MPC1: variants seen among roughly 807,000 people sequenced by gnomAD.
The protein encoded by MPC1 is HSPC040 protein.
MPC1 carries 6 observed loss-of-function variants against 13.9 expected under a neutral mutation model. That is an observed-to-expected ratio of 0.43 (90% CI 0.24 to 0.85). MPC1 has a LOEUF of 0.85. MPC1 is among the 40% of genes least tolerant of loss of function. The probability of loss-of-function intolerance (pLI) is 0.24; values close to 1 mark genes in which losing one functional copy is unlikely to be tolerated. For synonymous variants in MPC1, 47 were observed against 50.5 expected, an observed-to-expected ratio of 0.93 and a Z score of 0.29; for missense variants, 115 against 143.3, an observed-to-expected ratio of 0.80 and a Z score of 1.01.
At chr6:166,379,190 T>A (rs1490578666) in intron 1 of MPC1, among the ~76,000 whole-genome samples, 2 of 152,100 alleles carry the variant, frequency 1.3e-5, no homozygotes, top group East Asian at 3.8e-4. Flanking sequence ...TAAAAAAAAA[T>A]CATTTAAAAT....
rs1779106939 is a variant in MPC1 at position 166,365,269 on chromosome 6, G to A, written c.*160C>T. The A allele has an allele frequency of 3.8e-6, 2 of 527,350 alleles. No homozygotes were observed. Among genetic ancestry groups the A allele is most frequent in the East Asian group, 6.8e-5 (2 of 29,436 alleles). The allele number at this position is 527,350 out of a possible 1,614,324, so 32.7% of individuals were successfully genotyped here. ...TTTAATACTTGTAAGGCAGCAGAGA[G>A]TTGGTTTAGAAACTCTCAGCTATTT... On this transcript the variant is annotated 3_prime_UTR_variant, in exon 5 of 5. Coordinates refer to ENST00000360961, the MANE Select transcript of MPC1 (RefSeq NM_016098.4). This position sits in a 1 kb window ranked among gnomAD's most constrained non-coding sequence, Gnocchi z 4.2.
chr6:166,379,950 C>T lies in MPC1; in HGVS notation c.71+2856G>A, dbSNP rs920973573. Among the ~76,000 whole-genome samples the T allele has an allele frequency of 1.4e-4, 22 of 152,352 alleles. No individual in the cohort carries two copies. The East Asian group carries it at 1.5e-3, about 11-fold the overall frequency. On this transcript the variant is annotated intron_variant, in intron 1 of 4. Transcript: ENST00000360961. ...CAGGAAACACTAAAATAAAAAGCTTCTGGTCAGAGTGTTGATACCTGACCT... is the reference window on the plus strand; with the variant it reads ...CAGGAAACACTAAAATAAAAAGCTTTTGGTCAGAGTGTTGATACCTGACCT...
intron 1 of MPC1, among the ~76,000 whole-genome samples, chr6:166,380,099 A>C (rs544341244): frequency 6.6e-6 from 1 of 152,252 alleles, no homozygotes; most frequent in African/African-American, 2.4e-5. Context: ...AAATAATTTC[A>C]GTTCAAGATC....
intron 1 of MPC1, among the ~76,000 whole-genome samples, chr6:166,380,803 G>A (rs1393138405): frequency 6.6e-6 from 1 of 151,686 alleles, no homozygotes; most frequent in Non-Finnish European, 1.5e-5. Context: ...GCCTGGCGTG[G>A]TGGTGCATGC....
At chr6:166,367,056 AT>A (rs1779186233) in intron 2 of MPC1, 165 bp from the exon 3 acceptor site, 1 of 1,489,188 alleles carries the variant, frequency 6.7e-7, no homozygotes, top group Non-Finnish European at 9.0e-7. Context: ...ACATTTAGGT[AT>A]TGGATTGTCC....
At chr6:166,378,180 G>T (rs781687370) in intron 1 of MPC1, among the ~76,000 whole-genome samples, 7 of 152,310 alleles carry the variant, frequency 4.6e-5, no homozygotes, top group South Asian at 4.2e-4. Flanking sequence ...GTTTGGGAAA[G>T]ATTCACTTTT....
chr6:166,367,487 A>G (rs1779205041), intron 2 of MPC1, among the ~76,000 whole-genome samples: 1 of 152,214 alleles, frequency 6.6e-6, no homozygotes, highest in African/African-American at 2.4e-5. Flanking sequence ...AGAAATTAAG[A>G]TTGGAAAGTA....
chr6:166,376,178 G>GTGTGTA (rs1554265937), intron 1 of MPC1, among the ~76,000 whole-genome samples: 3 of 140,970 alleles, frequency 2.1e-5, no homozygotes, highest in African/African-American at 7.6e-5. Flanking sequence ...GTGTGTGTGT[G>GTGTGTA]TATATATATA....
intron 1 of MPC1, among the ~76,000 whole-genome samples, chr6:166,372,617 C>T (rs575041464): frequency 6.6e-6 from 1 of 152,206 alleles, no homozygotes; most frequent in East Asian, 1.9e-4. Context: ...CTCAACATCC[C>T]TCAATTCTAA....
Position 166,382,891 on chromosome 6 carries a change from CAGACCCCG to C in MPC1, c.-23_-16del. 6.3e-7 allele frequency: 1 copy of C among 1,591,884 alleles called. No individual in the cohort carries two copies. Among genetic ancestry groups the C allele is most frequent in the Non-Finnish European group, 8.5e-7 (1 of 1,171,484 alleles). Reference sequence around the variant, plus strand: ...GCGCCCGCCATGGCTGTGCCGACACCAGACCCCGAGTGGTCCCTGCCTCTGCTGCCGCT... The same window carrying C: ...GCGCCCGCCATGGCTGTGCCGACACCAGTGGTCCCTGCCTCTGCTGCCGCT... On this transcript the variant is annotated 5_prime_UTR_variant, in exon 1 of 5. Transcript: ENST00000360961.
At chr6:166,368,696 G>T in intron 2 of MPC1, 1 of 928,508 alleles carries the variant, frequency 1.1e-6, no homozygotes, top group Non-Finnish European at 1.3e-6. Context: ...CCAGACTTTT[G>T]TAAGGGAGAG....
At chr6:166,368,163 TACTC>T (rs1427485977) in intron 2 of MPC1, among the ~76,000 whole-genome samples, 2 of 152,232 alleles carry the variant, frequency 1.3e-5, no homozygotes, top group East Asian at 1.9e-4. Flanking sequence ...TTATCTAAGA[TACTC>T]ACTACTGCAA....
intron 3 of MPC1, among the ~76,000 whole-genome samples, 175 bp downstream of exon 3, chr6:166,366,620 T>C (rs1171646361): frequency 6.6e-6 from 1 of 152,216 alleles, no homozygotes; most frequent in Non-Finnish European, 1.5e-5. Flanking sequence ...TAGATAAATA[T>C]TTCTAATTAA....
intron 1 of MPC1, among the ~76,000 whole-genome samples, chr6:166,373,493 C>T (rs887415912): frequency 2.0e-5 from 3 of 152,196 alleles, no homozygotes; most frequent in African/African-American, 2.4e-5. Context: ...ATTCCATTGT[C>T]TGGAGGTACC....
chr6:166,368,010 G>T (rs1228867915), intron 2 of MPC1, among the ~76,000 whole-genome samples: 2 of 152,128 alleles, frequency 1.3e-5, no homozygotes, highest in African/African-American at 2.4e-5. Flanking sequence ...ACTACAAAAG[G>T]TCAAAGTTCC....
Position 166,365,069 on chromosome 6 carries a change from A to G in MPC1, c.*360T>C, listed in dbSNP as rs926966909. The G allele has an allele frequency of 5.6e-6, 1 of 179,076 alleles. No homozygotes were observed. The highest frequency in any genetic ancestry group is 1.2e-5 in the Non-Finnish European group (1 of 86,224). 11.1% of individuals were successfully genotyped at this position (179,076 alleles called of 1,614,324 possible). On this transcript the variant is annotated 3_prime_UTR_variant, in exon 5 of 5. Coordinates refer to ENST00000360961, the MANE Select transcript of MPC1 (RefSeq NM_016098.4). The surrounding 1 kb of genome is among the most constrained non-coding windows in gnomAD (Gnocchi z 4.2). ...TGGTTGTCTTGTGGTCATTAAAGAC[A>G]ATGTTAAGAATCAGGAGTACTTAAG...
intron 1 of MPC1, chr6:166,381,888 C>T: frequency 1.2e-6 from 1 of 868,760 alleles, no homozygotes. Flanking sequence ...AACCGAAAGG[C>T]GAACCCAAGG....
At chr6:166,380,939 C>CAAAAAAAAAAAAAAAAAAAAAA (rs1175434820) in intron 1 of MPC1, among the ~76,000 whole-genome samples, 1 of 47,726 alleles carries the variant, frequency 2.1e-5, no homozygotes, top group Non-Finnish European at 4.6e-5. Context: ...AACTCTGTCT[C>CAAAAAAAAAAAAAAAAAAAAAA]AAAAAAAAAA....
At chr6:166,366,228 T>C in intron 3 of MPC1, 122 bp from the exon 4 acceptor site, 2 of 1,158,100 alleles carry the variant, frequency 1.7e-6, no homozygotes, top group Non-Finnish European at 2.3e-6. Context: ...CGAAAGCCTT[T>C]GACAGATAAA....
Sources: allele counts gnomAD v4.1 joint callset (sites outside exome capture counted in the v4.1 genomes callset), GRCh38; gene constraint gnomAD v4.1.1; non-coding constraint Gnocchi (gnomAD v3.1); transcripts MANE v1.5; gene names NCBI Gene and HGNC (gene_info 2026-07-23, HGNC 2026-07-21).